The following CNGB3 variants were observed in gnomAD, a reference collection of about 807,000 sequenced individuals.
CNGB3 encodes cyclic nucleotide-gated channel beta-3.
In CNGB3, 86 loss-of-function variants were observed where a neutral mutation model predicts 92.8. The ratio of observed to expected loss-of-function variants is 0.93; its 90% CI spans 0.78 to 1.11. The LOEUF (loss-of-function observed/expected upper bound fraction) is 1.11, where lower values mean the gene tolerates loss of function less well. Among genes scored for constraint, CNGB3 ranks in the 50% least tolerant of loss-of-function variants. The pLI, the probability that CNGB3 is intolerant of heterozygous loss-of-function variation, is 0.00. For missense variants in CNGB3, 1,026 were observed against 956.8 expected (o/e 1.07, Z -0.95); for synonymous variants, 333 against 332.7 (o/e 1.00, Z -0.01).
chr8:86,626,845 T>A (rs565292630), intron 12 of CNGB3, among the ~76,000 whole-genome samples: 1 of 152,204 alleles, frequency 6.6e-6, no homozygotes, highest in South Asian at 2.1e-4. Flanking sequence ...TCTTTTTTTT[T>A]TCTTTTTTTA....
intron 13 of CNGB3, among the ~76,000 whole-genome samples, chr8:86,618,758 T>C (rs1822666859): frequency 6.6e-6 from 1 of 152,214 alleles, no homozygotes; most frequent in Admixed American, 6.5e-5. Context: ...CAAGTCTCAC[T>C]GTAGTCTCAC....
chr8:86,598,272 A>C (rs1049316253), intron 15 of CNGB3, among the ~76,000 whole-genome samples: 1 of 152,220 alleles, frequency 6.6e-6, no homozygotes, highest in Non-Finnish European at 1.5e-5. Flanking sequence ...GACTTGAAGT[A>C]AGCCACTGCA....
At chr8:86,625,835 T>C in intron 13 of CNGB3, 148 bp downstream of exon 13, 1 of 693,482 alleles carries the variant, frequency 1.4e-6, no homozygotes, top group South Asian at 1.7e-5. Flanking sequence ...CTGTAATTTA[T>C]TTGACTCTTT....
chr8:86,593,111 C>G (rs1004583355), intron 15 of CNGB3, among the ~76,000 whole-genome samples: 4 of 152,134 alleles, frequency 2.6e-5, no homozygotes, highest in Admixed American at 2.6e-4. Context: ...TCTGCACATA[C>G]AGATTTTTAA....
rs750257032 is a variant in CNGB3, at chr8:86,579,092, T to G, written c.1928+14A>C. ...CAACTCCATCCATCTCTAATGGTGT[T>G]TTAAAGGTTGTACCTGGCTTTCTTC... On this transcript the variant is annotated intron_variant, in intron 16 of 17. Coordinates refer to ENST00000320005, the MANE Select transcript of CNGB3 (RefSeq NM_019098.5). 1 of 1,614,148 alleles carries G rather than the reference T, an allele frequency of 6.2e-7. No individual in the cohort carries two copies. The highest frequency in any genetic ancestry group is 1.7e-5 in the Admixed American group (1 of 60,016).
At chr8:86,590,564 G>C (rs1006795074) in intron 15 of CNGB3, among the ~76,000 whole-genome samples, 19 of 151,998 alleles carry the variant, frequency 1.3e-4, no homozygotes, top group Non-Finnish European at 2.1e-4. Context: ...GCATTTGCTT[G>C]TCTGTAAAGT....
intron 6 of CNGB3, 101 bp downstream of exon 6, chr8:86,666,824 G>A: frequency 1.1e-6 from 1 of 922,680 alleles, no homozygotes; most frequent in Non-Finnish European, 1.7e-6. Flanking sequence ...TATCCATGCA[G>A]ATAGCCAGTC....
chr8:86,701,493 A>T (rs1288494343), intron 3 of CNGB3, among the ~76,000 whole-genome samples: 1 of 152,184 alleles, frequency 6.6e-6, no homozygotes, highest in Non-Finnish European at 1.5e-5. Context: ...CTTAAACAAG[A>T]ATCCTCTCTA....
Position 86,579,135 on chromosome 8 carries a change from A to G in CNGB3, c.1899T>C (p.Asp633=). 6.2e-7 allele frequency: 1 copy of G among 1,614,138 alleles called. No homozygotes were observed. The highest frequency in any genetic ancestry group is 8.5e-7 in the Non-Finnish European group (1 of 1,180,010). The change falls in exon 16 of 18, where the codon GAT becomes GAC. Residue 633 remains aspartate, a synonymous_variant. Coordinates refer to ENST00000320005, the MANE Select transcript of CNGB3 (RefSeq NM_019098.5). ...TLQEILVHYP[D]SERILMKKAR... ...CTTTCTTCATGAGGATCCTTTCAGA[A>G]TCTGGATAATGCACTAGAATTTCTT...
At position 86,670,851 on chromosome 8, in the gene CNGB3, T is replaced by A. The variant is rs760546100; in HGVS notation, c.493+93A>T. On this transcript the variant is annotated intron_variant, in intron 4 of 17. Transcript: ENST00000320005. Reference sequence around the variant, plus strand: ...CTGTACGTAAATCATTTTCTCAGGGTCTGCTTTTGGGAGATCCAAACTAAA... The same window carrying A: ...CTGTACGTAAATCATTTTCTCAGGGACTGCTTTTGGGAGATCCAAACTAAA... The A allele has an allele frequency of 1.5e-4, 191 of 1,305,076 alleles. 1 individual carries two copies. Among genetic ancestry groups the A allele is most frequent in the Non-Finnish European group, 1.5e-4 (132 of 902,808 alleles). 80.8% of individuals were successfully genotyped at this position (1,305,076 alleles called of 1,614,324 possible). A position where few individuals can be genotyped will look rare whatever the true frequency, so the allele number is the denominator to read the frequency against.
intron 3 of CNGB3, among the ~76,000 whole-genome samples, chr8:86,691,431 G>A (rs1252707133): frequency 6.6e-6 from 1 of 152,070 alleles, no homozygotes; most frequent in Admixed American, 6.6e-5. Flanking sequence ...GGTGAGAGTG[G>A]GCATTCTTGT....
rs116882605 is a variant in CNGB3, at chr8:86,741,677, A to C, written c.129+1822T>G. On this transcript the variant is annotated intron_variant, in intron 1 of 17. Transcript: ENST00000320005. ...TGAGACTCTGTCTCAAAAAAAACAA[A>C]AAAAAAAAATCTAATGTGATGCCAG... Among the ~76,000 whole-genome samples the C allele has an allele frequency of 6.8e-3, 1,028 of 152,132 alleles. 30 individuals are homozygous for C. In the East Asian group the frequency reaches 0.1, roughly 15 times the overall value.
At chr8:86,725,908 T>C (rs1254935480) in intron 3 of CNGB3, among the ~76,000 whole-genome samples, 2 of 152,130 alleles carry the variant, frequency 1.3e-5, no homozygotes, top group Non-Finnish European at 2.9e-5. Flanking sequence ...CATAATACCA[T>C]GCCAAGAAGA....
chr8:86,597,981 TAAATA>T (rs139846097), intron 15 of CNGB3, among the ~76,000 whole-genome samples: 5,197 of 111,042 alleles, frequency 0.047, 216 homozygotes, highest in African/African-American at 0.16. Context: ...TCATCTCAAA[TAAATA>T]AAATAAAATA....
At chr8:86,720,807 C>A (rs1210211935) in intron 3 of CNGB3, among the ~76,000 whole-genome samples, 1 of 134,642 alleles carries the variant, frequency 7.4e-6, no homozygotes, top group Admixed American at 7.9e-5. Context: ...TATATATATT[C>A]CATGGCATAT....
intron 8 of CNGB3, among the ~76,000 whole-genome samples, chr8:86,647,493 T>G (rs3824164): frequency 0.32 from 47,763 of 150,552 alleles, 8,873 homozygotes; most frequent in Middle Eastern, 0.52. Context: ...AAACAAAAAG[T>G]ATAAAATACT....
chr8:86,597,058 G>A (rs2131552709), intron 15 of CNGB3, among the ~76,000 whole-genome samples: 1 of 152,236 alleles, frequency 6.6e-6, no homozygotes, highest in East Asian at 1.9e-4. Flanking sequence ...ATAGCATTAG[G>A]AGAAATACCT....
At chr8:86,648,022 T>G in intron 7 of CNGB3, 135 bp from the exon 8 acceptor site, 3 of 710,888 alleles carry the variant, frequency 4.2e-6, no homozygotes, top group African/African-American at 1.8e-5. Context: ...TGCTTTCAAT[T>G]AACTATGCAT....
intron 10 of CNGB3, among the ~76,000 whole-genome samples, chr8:86,637,992 C>A (rs1462171744): frequency 6.6e-6 from 1 of 151,998 alleles, no homozygotes; most frequent in East Asian, 1.9e-4. Context: ...TATATGCTTC[C>A]GTATAAGATG....
Sources: gnomAD v4.1 joint callset for allele counts (sites outside exome capture counted in the v4.1 genomes callset) on GRCh38, gnomAD v4.1.1 for gene constraint, MANE v1.5 for transcripts, NCBI Gene and HGNC (gene_info 2026-07-23, HGNC 2026-07-21) for gene names.